The following PHF21B variants were observed in gnomAD, a reference collection of about 807,000 sequenced individuals.
PHF21B encodes PHD finger protein 4.
A neutral mutation model predicts 62.2 loss-of-function variants in PHF21B; 22 were observed. That is an observed-to-expected ratio of 0.35 (90% confidence interval 0.25 to 0.51). The LOEUF (loss-of-function observed/expected upper bound fraction) is 0.51. Ranked by LOEUF, PHF21B falls within the 20% of genes least tolerant of loss-of-function variation. PHF21B has a pLI of 0.97. For missense variants in PHF21B, 701 were observed against 707.9 expected (o/e 0.99, Z 0.11); for synonymous variants, 341 against 314.7 (o/e 1.08, Z -0.88).
At chr22:44,902,023 G>T in intron 5 of PHF21B, 2 of 230,126 alleles carry the variant, frequency 8.7e-6, no homozygotes, top group South Asian at 1.7e-4. Flanking sequence ...GGGACCTTCT[G>T]ATCATCCTCA....
At chr22:44,945,759 G>A (rs2072056632) in intron 2 of PHF21B, among the ~76,000 whole-genome samples, 1 of 151,770 alleles carries the variant, frequency 6.6e-6, no homozygotes, top group Non-Finnish European at 1.5e-5. Context: ...CCTTGACCTT[G>A]GCAGGAAGCT....
chr22:44,982,529 C>A (rs528009226), intron 2 of PHF21B, among the ~76,000 whole-genome samples: 1 of 152,214 alleles, frequency 6.6e-6, no homozygotes, highest in Non-Finnish European at 1.5e-5. Flanking sequence ...CACTCCTCCA[C>A]AGGCCCAAGT....
At chr22:44,917,636 T>G (rs1452099462) in intron 3 of PHF21B, among the ~76,000 whole-genome samples, 1 of 152,108 alleles carries the variant, frequency 6.6e-6, no homozygotes, top group Non-Finnish European at 1.5e-5. Context: ...CAAACTGAGG[T>G]GCATAATGGA....
rs189654165 is a variant in PHF21B at position 44,961,798 on chromosome 22, G to C, written c.121-41308C>G. Among the ~76,000 whole-genome samples the C allele has an allele frequency of 6.1e-3, 928 of 151,774 alleles. 8 individuals carry two copies. Among genetic ancestry groups the C allele is most frequent in the Non-Finnish European group, 9.6e-3 (652 of 67,976 alleles). ...AGAGGTTGCAGTGAGCCGAGGTTGC[G>C]CGCACCACTGCAATCCAGCCTGGGT... On this transcript the variant is annotated intron_variant, in intron 2 of 12. Coordinates refer to ENST00000313237, the MANE Select transcript of PHF21B (RefSeq NM_138415.5).
In PHF21B at chr22:44,882,963, C is replaced by T; in HGVS notation, c.*123G>A. The T allele has an allele frequency of 8.2e-7, 1 of 1,214,498 alleles. No homozygotes were observed. Among genetic ancestry groups the T allele is most frequent in the Non-Finnish European group, 1.1e-6 (1 of 872,642 alleles). 75.2% of individuals were successfully genotyped at this position (1,214,498 alleles called of 1,614,324 possible). The stretch of plus-strand genomic sequence containing the variant: ...CGCCCAGCTCTTCCTCCCTCCTCTC[C>T]TCTGTCTGGTTAATTTTTGTCTGAA... On this transcript the variant is annotated 3_prime_UTR_variant, in exon 13 of 13. Transcript: ENST00000313237.
In PHF21B at chr22:44,999,302, A is replaced by T. The variant is rs114716218; in HGVS notation, c.120+9243T>A. Among the ~76,000 whole-genome samples the T allele has an allele frequency of 2.5e-3, 381 of 152,270 alleles. 4 individuals are homozygous for T. The highest frequency in any genetic ancestry group is 8.7e-3 in the African/African-American group (361 of 41,546). Reference sequence around the variant, plus strand: ...CCTTAAACTATAAAATAACATCAATAATAATAAAAAGGAGAGCAGAACGCA... The same window carrying T: ...CCTTAAACTATAAAATAACATCAATTATAATAAAAAGGAGAGCAGAACGCA... On this transcript the variant is annotated intron_variant, in intron 2 of 12. Transcript: ENST00000313237.
intron 1 of PHF21B, chr22:45,008,847 C>T: frequency 8.5e-7 from 1 of 1,178,190 alleles, no homozygotes; most frequent in Non-Finnish European, 1.0e-6. Flanking sequence ...GGGCCGAGGC[C>T]ACCCGGCGGC....
At chr22:45,008,996 T>G in intron 1 of PHF21B, 1 of 1,099,682 alleles carries the variant, frequency 9.1e-7, no homozygotes, top group Non-Finnish European at 1.1e-6. Context: ...TCATAAATAT[T>G]CAAGTCGCGT....
At chr22:44,964,524 AT>A (rs1165626028) in intron 2 of PHF21B, among the ~76,000 whole-genome samples, 2 of 152,202 alleles carry the variant, frequency 1.3e-5, no homozygotes, top group African/African-American at 2.4e-5. Flanking sequence ...GCAGGAGAAG[AT>A]TTTACTCACT....
chr22:44,946,094 G>A (rs1471726033), intron 2 of PHF21B, among the ~76,000 whole-genome samples: 2 of 148,200 alleles, frequency 1.3e-5, no homozygotes, highest in Non-Finnish European at 2.9e-5. Flanking sequence ...GGAGAGTCAG[G>A]CCCTGCGGGA....
intron 5 of PHF21B, among the ~76,000 whole-genome samples, chr22:44,909,993 C>T (rs1002433513): frequency 2.6e-5 from 4 of 152,222 alleles, no homozygotes; most frequent in Admixed American, 2.0e-4. Context: ...GTGAGTTTTC[C>T]AAGGGCAAGG....
At chr22:44,905,466 C>T (rs1569218279) in intron 5 of PHF21B, among the ~76,000 whole-genome samples, 1 of 152,142 alleles carries the variant, frequency 6.6e-6, no homozygotes, top group South Asian at 2.1e-4. Flanking sequence ...ATCTTAAATA[C>T]ACTTATTTAA....
At position 44,895,177 on chromosome 22, in the gene PHF21B, C is replaced by T. The variant is rs571155179; in HGVS notation, c.883+855G>A. ...GGAGTCAGGAGGCCTGGATTCCAGCCTGGGCCTGGTATCAACTGGCCCTGG... is the reference window on the plus strand; with the variant it reads ...GGAGTCAGGAGGCCTGGATTCCAGCTTGGGCCTGGTATCAACTGGCCCTGG... On this transcript the variant is annotated intron_variant, in intron 6 of 12. Transcript: ENST00000313237. Among the ~76,000 whole-genome samples the T allele has an allele frequency of 1.1e-4, 17 of 152,240 alleles. No individual in the cohort carries two copies. The East Asian group carries it at 3.3e-3, about 30-fold the overall frequency.
At chr22:44,919,216 G>A (rs745514142) in intron 3 of PHF21B, among the ~76,000 whole-genome samples, 6 of 81,768 alleles carry the variant, frequency 7.3e-5, no homozygotes, top group African/African-American at 2.2e-4. Flanking sequence ...GGCATGGCCC[G>A]ATCACCCTGG....
At chr22:44,947,042 T>C (rs573727363) in intron 2 of PHF21B, among the ~76,000 whole-genome samples, 1 of 151,508 alleles carries the variant, frequency 6.6e-6, no homozygotes, top group Non-Finnish European at 1.5e-5. Context: ...GGTCCTGTTA[T>C]TCATCCCCTG....
chr22:44,919,586 G>A (rs1169266614), intron 3 of PHF21B, among the ~76,000 whole-genome samples: 1 of 152,206 alleles, frequency 6.6e-6, no homozygotes, highest in African/African-American at 2.4e-5. Context: ...TCCTTGAGCT[G>A]GGGGAATCTG....
chr22:44,975,424 A>C (rs886609711), intron 2 of PHF21B, among the ~76,000 whole-genome samples: 3 of 152,042 alleles, frequency 2.0e-5, no homozygotes, highest in South Asian at 2.1e-4. Context: ...CAGCCTAGAA[A>C]GTGTATGGAG....
intron 2 of PHF21B, among the ~76,000 whole-genome samples, chr22:44,946,637 G>A (rs2072079859): frequency 6.6e-6 from 1 of 151,902 alleles, no homozygotes; most frequent in Non-Finnish European, 1.5e-5. Flanking sequence ...GTGGATGGAT[G>A]GATGGGTGGA....
chr22:44,901,021 G>T (rs1484359805), intron 5 of PHF21B, among the ~76,000 whole-genome samples: 1 of 152,216 alleles, frequency 6.6e-6, no homozygotes, highest in Non-Finnish European at 1.5e-5. Context: ...ATGAAAAGTG[G>T]GGTCTGTCAA....
Sources: gnomAD v4.1 joint callset for allele counts (sites outside exome capture counted in the v4.1 genomes callset) on GRCh38, gnomAD v4.1.1 for gene constraint, MANE v1.5 for transcripts, NCBI Gene and HGNC (gene_info 2026-07-23, HGNC 2026-07-21) for gene names.